CNTNAP2: variants seen among roughly 807,000 people sequenced by gnomAD.
The protein encoded by CNTNAP2 is contactin associated protein 2, also known as contactin-associated protein-like 2.
CNTNAP2 carries 98 observed loss-of-function variants against 155.2 expected under a neutral mutation model. That is an observed-to-expected ratio of 0.63 (90% CI 0.54 to 0.75). The LOEUF (loss-of-function observed/expected upper bound fraction) is 0.75, where lower values mean the gene tolerates loss of function less well. Among genes scored for constraint, CNTNAP2 ranks in the 30% least tolerant of loss-of-function variants. CNTNAP2 has a pLI of 0.00. For missense variants in CNTNAP2, 1,727 were observed against 1,688.1 expected (o/e 1.02, Z -0.40); for synonymous variants, 651 against 631.2 (o/e 1.03, Z -0.47).
chr7:147,777,490 C>T (rs1041728442), intron 13 of CNTNAP2, among the ~76,000 whole-genome samples: 17 of 152,144 alleles, frequency 1.1e-4, no homozygotes, highest in Non-Finnish European at 2.1e-4. Context: ...CCTGGGAGCC[C>T]GGTTCCCCTG....
At chr7:146,770,056 T>C (rs1448705254) in intron 1 of CNTNAP2, among the ~76,000 whole-genome samples, 1 of 152,142 alleles carries the variant, frequency 6.6e-6, no homozygotes, top group East Asian at 1.9e-4. Flanking sequence ...TGGAGCCAGG[T>C]CTAATGAGCA....
intron 1 of CNTNAP2, among the ~76,000 whole-genome samples, chr7:146,571,189 T>C (rs1798434805): frequency 6.6e-6 from 1 of 152,118 alleles, no homozygotes; most frequent in Non-Finnish European, 1.5e-5. Context: ...ATATAATTCA[T>C]GGTGTACTCA....
intron 13 of CNTNAP2, among the ~76,000 whole-genome samples, chr7:147,891,135 T>C (rs1212139986): frequency 6.6e-6 from 1 of 151,632 alleles, no homozygotes; most frequent in Non-Finnish European, 1.5e-5. Context: ...GTAGAACAAA[T>C]GAAATGCATG....
Position 147,830,175 on chromosome 7 carries a change from A to C in CNTNAP2, c.2099-73390A>C, listed in dbSNP as rs779029650. Among the ~76,000 whole-genome samples, 158 of 152,068 alleles carry C rather than the reference A, an allele frequency of 1.0e-3. 1 individual carries two copies. The East Asian group carries it at 0.026, about 25-fold the overall frequency. On this transcript the variant is annotated intron_variant, in intron 13 of 23. Coordinates refer to ENST00000361727, the MANE Select transcript of CNTNAP2 (RefSeq NM_014141.6). ...TTCGGGTTGCTATTAAAAAAAAAAA[A>C]AAAACATAAACTAGGTGGCTTATAA...
At chr7:148,381,150 C>G (rs560577727) in intron 21 of CNTNAP2, among the ~76,000 whole-genome samples, 1 of 152,202 alleles carries the variant, frequency 6.6e-6, no homozygotes, top group African/African-American at 2.4e-5. Context: ...AGGGGTGGTG[C>G]CTGCAACCCC....
At chr7:147,789,245 C>T (rs998723568) in intron 13 of CNTNAP2, among the ~76,000 whole-genome samples, 2 of 152,134 alleles carry the variant, frequency 1.3e-5, no homozygotes, top group Admixed American at 6.5e-5. Flanking sequence ...GAAGTCCTAT[C>T]GTTGCCAACT....
chr7:146,277,095 A>T (rs1467983431), intron 1 of CNTNAP2, among the ~76,000 whole-genome samples: 1 of 152,160 alleles, frequency 6.6e-6, no homozygotes, highest in Non-Finnish European at 1.5e-5. Context: ...GGAGAGGTTC[A>T]TGTGAATGAA....
chr7:147,981,994 C>T (rs1175986951), intron 15 of CNTNAP2, among the ~76,000 whole-genome samples: 2 of 152,018 alleles, frequency 1.3e-5, no homozygotes, highest in Non-Finnish European at 2.9e-5. Context: ...ACAAAAGAAC[C>T]ATTTGGAAGA....
chr7:146,769,703 A>T (rs985817027), intron 1 of CNTNAP2, among the ~76,000 whole-genome samples: 1 of 152,050 alleles, frequency 6.6e-6, no homozygotes, highest in Non-Finnish European at 1.5e-5. Context: ...CATATTTGTT[A>T]TACTGGATAA....
intron 8 of CNTNAP2, among the ~76,000 whole-genome samples, chr7:147,252,811 C>G (rs529299725): frequency 1.3e-5 from 2 of 152,186 alleles, no homozygotes; most frequent in Non-Finnish European, 1.5e-5. Context: ...TACACAATTA[C>G]TCTATGATGT....
intron 13 of CNTNAP2, among the ~76,000 whole-genome samples, chr7:147,807,804 G>A (rs376927114): frequency 7.9e-5 from 12 of 152,078 alleles, no homozygotes; most frequent in Admixed American, 3.3e-4. Flanking sequence ...TGATGTGAGC[G>A]TCAGGACAGT....
At chr7:146,713,710 A>G (rs1801138269) in intron 1 of CNTNAP2, among the ~76,000 whole-genome samples, 1 of 152,100 alleles carries the variant, frequency 6.6e-6, no homozygotes, top group African/African-American at 2.4e-5. Context: ...ATTCCTGATC[A>G]TCCTACATGT....
intron 4 of CNTNAP2, among the ~76,000 whole-genome samples, chr7:147,048,603 G>T (rs1004344338): frequency 1.3e-5 from 2 of 152,160 alleles, no homozygotes; most frequent in Non-Finnish European, 1.5e-5. Context: ...TTTCTACAAA[G>T]ATGTAGATGT....
chr7:146,150,530 TATTA>T (rs1436601268), intron 1 of CNTNAP2, among the ~76,000 whole-genome samples: 1 of 152,086 alleles, frequency 6.6e-6, no homozygotes, highest in Non-Finnish European at 1.5e-5. Flanking sequence ...AGATTTTTTA[TATTA>T]ATTTTATATC....
chr7:146,443,209 G>A (rs528562244), intron 1 of CNTNAP2, among the ~76,000 whole-genome samples: 266 of 146,328 alleles, frequency 1.8e-3, no homozygotes, highest in African/African-American at 6.9e-3. Flanking sequence ...GCGAGACTCC[G>A]TCTCTAAATA....
At chr7:146,822,911 T>C (rs557373563) in intron 2 of CNTNAP2, among the ~76,000 whole-genome samples, 26 of 144,078 alleles carry the variant, frequency 1.8e-4, no homozygotes, top group African/African-American at 4.6e-4. Flanking sequence ...ATACTCATTC[T>C]TCAGCATATT....
At chr7:147,196,697 C>A (rs1584786259) in intron 8 of CNTNAP2, among the ~76,000 whole-genome samples, 1 of 152,208 alleles carries the variant, frequency 6.6e-6, no homozygotes, top group Admixed American at 6.5e-5. Flanking sequence ...GCCATCCCTA[C>A]AGCTACCAGA....
chr7:147,095,186 ATTTTTTTTTTT>A (rs36113270), intron 4 of CNTNAP2, among the ~76,000 whole-genome samples: 3 of 114,520 alleles, frequency 2.6e-5, no homozygotes, highest in Admixed American at 9.6e-5. Flanking sequence ...CGCCTGGCTA[ATTTTTTTTTTT>A]TTTTTTTTTT....
At chr7:146,972,309 T>A (rs1797817843) in intron 3 of CNTNAP2, among the ~76,000 whole-genome samples, 1 of 152,178 alleles carries the variant, frequency 6.6e-6, no homozygotes, top group Non-Finnish European at 1.5e-5. Context: ...TAGTATTTCA[T>A]TTAAAATAAA....
Sources: allele counts gnomAD v4.1 joint callset (sites outside exome capture counted in the v4.1 genomes callset), GRCh38; gene constraint gnomAD v4.1.1; transcripts MANE v1.5; gene names NCBI Gene and HGNC (gene_info 2026-07-23, HGNC 2026-07-21).